The following ADIPOR2 variants were observed in gnomAD, a reference collection of about 807,000 sequenced individuals.
ADIPOR2 encodes adiponectin receptor protein 2.
In ADIPOR2, 18 loss-of-function variants were observed where a neutral mutation model predicts 40.9. The observed-to-expected ratio is 0.44, with a 90% CI of 0.30 to 0.65. The LOEUF is 0.65. Ranked by LOEUF, ADIPOR2 falls within the 30% of genes least tolerant of loss-of-function variation. The probability of loss-of-function intolerance (pLI) is 0.09; values close to 1 mark genes in which losing one functional copy is unlikely to be tolerated. For synonymous variants in ADIPOR2, 165 were observed against 166.4 expected, an observed-to-expected ratio of 0.99 and a Z score of 0.06; for missense variants, 283 against 479.2, an observed-to-expected ratio of 0.59 and a Z score of 3.82.
chr12:1,779,585 A>G (rs1862672637), intron 4 of ADIPOR2, among the ~76,000 whole-genome samples: 1 of 152,144 alleles, frequency 6.6e-6, no homozygotes, highest in Non-Finnish European at 1.5e-5. Flanking sequence ...GGAATTAGTT[A>G]GTGGTGATGG....
intron 1 of ADIPOR2, among the ~76,000 whole-genome samples, chr12:1,730,275 C>T (rs140610043): frequency 2.0e-5 from 3 of 150,510 alleles, no homozygotes; most frequent in East Asian, 1.9e-4. Flanking sequence ...GATTGGTAAG[C>T]GTTTTTTTCT....
Position 1,754,507 on chromosome 12 carries a change from A to T in ADIPOR2, c.164A>T (p.His55Leu), listed in dbSNP as rs1488162507. 6.3e-7 allele frequency: 1 copy of T among 1,598,790 alleles called. No homozygotes were observed. Among genetic ancestry groups the T allele is most frequent in the Non-Finnish European group, 8.5e-7 (1 of 1,174,432 alleles). ...ILEASVLSSHHKKSSEEHEYS... is the reference protein window; with the variant it reads ...ILEASVLSSHLKKSSEEHEYS... ...GAGGCATCTGTTCTATCTTCCCATC[A>T]TAAAAAAGTAAGTCAAATTGGAAGA... Residue 55 changes from histidine to leucine, a missense_variant, in exon 2 of 8, where the codon CAT (histidine) becomes CTT (leucine). By Grantham distance (99) the His-to-Leu change is moderately conservative. Transcript: ENST00000357103.
chr12:1,757,268 T>G, intron 2 of ADIPOR2: 1 of 594,738 alleles, frequency 1.7e-6, no homozygotes, highest in South Asian at 2.0e-5. Flanking sequence ...TCTTTTGTCT[T>G]TCTTTTCAGC....
chr12:1,752,853 G>A (rs145941687), intron 1 of ADIPOR2, among the ~76,000 whole-genome samples: 153 of 152,230 alleles, frequency 1.0e-3, no homozygotes, highest in African/African-American at 3.5e-3. Context: ...TTAAATAGAA[G>A]CCATTATTCT....
intron 4 of ADIPOR2, 62 bp downstream of exon 4, chr12:1,778,087 A>C: frequency 6.5e-7 from 1 of 1,528,496 alleles, no homozygotes; most frequent in Non-Finnish European, 8.8e-7. Flanking sequence ...ATTTTCATGT[A>C]TTTGAGGGTA....
chr12:1,784,798 A>G (rs1344590915), intron 7 of ADIPOR2, among the ~76,000 whole-genome samples: 1 of 152,244 alleles, frequency 6.6e-6, no homozygotes. Flanking sequence ...AAATATTTTC[A>G]ACAAGACAAC....
intron 1 of ADIPOR2, among the ~76,000 whole-genome samples, chr12:1,731,341 T>C (rs578037903): frequency 6.6e-6 from 1 of 152,300 alleles, no homozygotes; most frequent in South Asian, 2.1e-4. Context: ...TTTTTTTAAA[T>C]TGTGGGAAAA....
intron 1 of ADIPOR2, among the ~76,000 whole-genome samples, chr12:1,702,645 A>G (rs2066276983): frequency 6.6e-6 from 1 of 151,966 alleles, no homozygotes; most frequent in African/African-American, 2.4e-5. Context: ...TTCTAAATTG[A>G]TTTTAGAAAG....
chr12:1,729,535 A>ACTTCTGG (rs145164006), intron 1 of ADIPOR2, among the ~76,000 whole-genome samples: 2,260 of 148,914 alleles, frequency 0.015, 22 homozygotes, highest in Middle Eastern at 0.056. Flanking sequence ...CTGGTCTCAA[A>ACTTCTGG]CTTCTGGGCT....
chr12:1,752,972 C>T (rs1044537552), intron 1 of ADIPOR2, among the ~76,000 whole-genome samples: 1 of 152,134 alleles, frequency 6.6e-6, no homozygotes, highest in Non-Finnish European at 1.5e-5. Context: ...ATTTTTGTTT[C>T]TTCTTGCCCT....
At chr12:1,731,566 T>G (rs1288350880) in intron 1 of ADIPOR2, among the ~76,000 whole-genome samples, 1 of 152,238 alleles carries the variant, frequency 6.6e-6, no homozygotes, top group African/African-American at 2.4e-5. Flanking sequence ...CGCTATCAGT[T>G]TGCCTGTTCT....
At chr12:1,708,245 G>T (rs2094667851) in intron 1 of ADIPOR2, among the ~76,000 whole-genome samples, 1 of 151,058 alleles carries the variant, frequency 6.6e-6, no homozygotes, top group Non-Finnish European at 1.5e-5. Context: ...TTCAGTTTTG[G>T]GTGGATTAGG....
chr12:1,708,267 G>A (rs2094667912), intron 1 of ADIPOR2, among the ~76,000 whole-genome samples: 1 of 151,624 alleles, frequency 6.6e-6, no homozygotes, highest in Non-Finnish European at 1.5e-5. Flanking sequence ...GGGTAGAGAG[G>A]GGTTCTTGAA....
intron 7 of ADIPOR2, among the ~76,000 whole-genome samples, chr12:1,784,957 C>A (rs899955174): frequency 1.3e-5 from 2 of 152,178 alleles, no homozygotes; most frequent in African/African-American, 2.4e-5. Context: ...CTTAAGCAAT[C>A]TTTCTAGCTT....
At chr12:1,748,389 C>T (rs2094761067) in intron 1 of ADIPOR2, among the ~76,000 whole-genome samples, 2 of 152,102 alleles carry the variant, frequency 1.3e-5, no homozygotes, top group South Asian at 2.1e-4. Context: ...GCTGGAACTA[C>T]AGGTGCCCGC....
intron 1 of ADIPOR2, among the ~76,000 whole-genome samples, chr12:1,736,307 C>T (rs2094730497): frequency 6.6e-6 from 1 of 152,102 alleles, no homozygotes; most frequent in Non-Finnish European, 1.5e-5. Context: ...TCAACTTCTT[C>T]CTGGTTTAGT....
intron 1 of ADIPOR2, among the ~76,000 whole-genome samples, chr12:1,699,771 A>G (rs1565629381): frequency 1.3e-5 from 2 of 152,284 alleles, no homozygotes; most frequent in Non-Finnish European, 2.9e-5. Flanking sequence ...TTAGGAAATA[A>G]TTAGCCTATT....
intron 1 of ADIPOR2, among the ~76,000 whole-genome samples, chr12:1,722,516 G>C (rs1276875948): frequency 1.3e-5 from 2 of 152,194 alleles, no homozygotes; most frequent in Admixed American, 1.3e-4. Context: ...ACCTTGACAA[G>C]TGTGGTCTTA....
chr12:1,709,983 A>G (rs1023811775), intron 1 of ADIPOR2, among the ~76,000 whole-genome samples: 1 of 152,154 alleles, frequency 6.6e-6, no homozygotes, highest in Admixed American at 6.5e-5. Flanking sequence ...CATCCTGCCT[A>G]GAAGATTGTG....
Sources: allele counts gnomAD v4.1 joint callset (sites outside exome capture counted in the v4.1 genomes callset), GRCh38; gene constraint gnomAD v4.1.1; transcripts MANE v1.5; gene names NCBI Gene and HGNC (gene_info 2026-07-23, HGNC 2026-07-21).